The following SLC25A20 variants were observed in gnomAD, a reference collection of about 807,000 sequenced individuals.
The protein encoded by SLC25A20 is mitochondrial carnitine/acylcarnitine carrier protein.
SLC25A20 carries 29 observed loss-of-function variants against 39.7 expected under a neutral mutation model. That is an observed-to-expected ratio of 0.73 (90% confidence interval 0.54 to 1.00). The LOEUF is 1.00. SLC25A20 is among the 50% of genes least tolerant of loss of function. SLC25A20 has a pLI of 0.00. For synonymous variants in SLC25A20, 103 were observed against 142.2 expected (o/e 0.72, Z 1.96); for missense variants, 333 against 379.9 (o/e 0.88, Z 1.03).
At chr3:48,875,208 A>T (rs928502594) in intron 4 of SLC25A20, among the ~76,000 whole-genome samples, 2 of 151,534 alleles carry the variant, frequency 1.3e-5, no homozygotes, top group South Asian at 2.1e-4. Flanking sequence ...GGTTCAAGCA[A>T]TTCTCTGCCT....
chr3:48,860,476 A>G (rs2106637874), intron 5 of SLC25A20, among the ~76,000 whole-genome samples: 1 of 150,598 alleles, frequency 6.6e-6, no homozygotes, highest in South Asian at 2.1e-4. Context: ...ATGGTGGTGC[A>G]TGCCTGTAGT....
In SLC25A20 at chr3:48,884,052, A is replaced by G; in HGVS notation, c.271T>C (p.Phe91Leu). 1.9e-6 allele frequency: 3 copies of G among 1,614,042 alleles called. No individual in the cohort carries two copies. The highest frequency in any genetic ancestry group is 1.3e-5 in the African/African-American group (1 of 75,056). ...GVTPMFAVCF[F>L]GFGLGKKLQQ... ...AGTTTCTTCCCCAAACCAAACCCAAAGAAGCACACGGCAAACATGGGAGTG... is the reference window on the plus strand; with the variant it reads ...AGTTTCTTCCCCAAACCAAACCCAAGGAAGCACACGGCAAACATGGGAGTG... The change falls in exon 3 of 9, where the codon TTT becomes CTT. Residue 91 changes from phenylalanine (F) to leucine (L), a missense_variant. Phe to Leu is a conservative substitution (Grantham distance 22, BLOSUM62 0). Transcript: ENST00000319017.
intron 4 of SLC25A20, 49 bp from the exon 5 acceptor site, chr3:48,862,708 C>T (rs757621854): frequency 7.0e-6 from 9 of 1,280,946 alleles, no homozygotes; most frequent in Non-Finnish European, 9.1e-6. Context: ...GAGTCACAGA[C>T]CCAGCAGGTT....
chr3:48,874,701 T>C (rs2083741223), intron 4 of SLC25A20, among the ~76,000 whole-genome samples: 1 of 152,118 alleles, frequency 6.6e-6, no homozygotes, highest in Non-Finnish European at 1.5e-5. Context: ...TATTCAGCAA[T>C]AAAAATGAAT....
intron 3 of SLC25A20, among the ~76,000 whole-genome samples, chr3:48,882,568 G>A (rs907012827): frequency 2.6e-5 from 4 of 151,986 alleles, no homozygotes; most frequent in African/African-American, 7.2e-5. Context: ...AAAGAAATAC[G>A]AAAAACTGGT....
intron 4 of SLC25A20, among the ~76,000 whole-genome samples, chr3:48,875,781 C>G (rs1006195927): frequency 2.0e-5 from 3 of 152,102 alleles, no homozygotes; most frequent in Admixed American, 2.0e-4. Flanking sequence ...CGTTGGGAGG[C>G]CAAGGCAGAC....
At chr3:48,876,941 C>A (rs981245684) in intron 4 of SLC25A20, among the ~76,000 whole-genome samples, 2 of 151,068 alleles carry the variant, frequency 1.3e-5, no homozygotes, top group Admixed American at 1.3e-4. Flanking sequence ...ATTAAAAATA[C>A]AAAAATTAGC....
At chr3:48,868,076 A>G (rs1210706114) in intron 4 of SLC25A20, among the ~76,000 whole-genome samples, 2 of 151,330 alleles carry the variant, frequency 1.3e-5, no homozygotes, top group Non-Finnish European at 2.9e-5. Context: ...AAAAAAAGAA[A>G]AGAAAAGAAA....
chr3:48,869,078 C>A (rs993998295), intron 4 of SLC25A20, among the ~76,000 whole-genome samples: 1 of 152,110 alleles, frequency 6.6e-6, no homozygotes, highest in South Asian at 2.1e-4. Context: ...CAAATAGGAA[C>A]CTTGATTTCT....
At chr3:48,874,932 C>T (rs748384792) in intron 4 of SLC25A20, among the ~76,000 whole-genome samples, 1 of 150,736 alleles carries the variant, frequency 6.6e-6, no homozygotes, top group Non-Finnish European at 1.5e-5. Context: ...GCCAGGCTTG[C>T]GGGTGCATGC....
At chr3:48,897,367 A>ATATATT (rs1256371148) in intron 1 of SLC25A20, among the ~76,000 whole-genome samples, 3 of 83,730 alleles carry the variant, frequency 3.6e-5, no homozygotes, top group African/African-American at 8.8e-5. Context: ...ATATATATAT[A>ATATATT]TTTTTTTTTT....
chr3:48,862,246 C>T (rs2083633915), intron 5 of SLC25A20, among the ~76,000 whole-genome samples: 2 of 152,048 alleles, frequency 1.3e-5, no homozygotes, highest in South Asian at 2.1e-4. Context: ...ACCACTGTCC[C>T]CAAGTCACAC....
At chr3:48,888,038 C>A (rs2083843893) in intron 2 of SLC25A20, among the ~76,000 whole-genome samples, 1 of 150,694 alleles carries the variant, frequency 6.6e-6, no homozygotes, top group South Asian at 2.1e-4. Context: ...CAAAACCCAT[C>A]TGTACTAAAA....
intron 4 of SLC25A20, among the ~76,000 whole-genome samples, chr3:48,876,127 G>C (rs1182173816): frequency 4.6e-5 from 7 of 151,982 alleles, no homozygotes; most frequent in Admixed American, 4.6e-4. Context: ...TGGATCACCT[G>C]AGGTCAGGAG....
Position 48,857,496 on chromosome 3 carries a change from T to C in SLC25A20, c.*214A>G, listed in dbSNP as rs1176275813. On this transcript the variant is annotated 3_prime_UTR_variant, in exon 9 of 9. Transcript: ENST00000319017. ...CCAAATCCTTTTAAGATCCCTTAAA[T>C]TGATAAGAATGAATTCAAGTTTCAA... 3.4e-6 allele frequency: 2 copies of C among 583,046 alleles called. No homozygotes were observed. The highest frequency in any genetic ancestry group is 2.0e-5 in the South Asian group (1 of 50,270). 36.1% of individuals were successfully genotyped at this position (583,046 alleles called of 1,614,324 possible). A position where few individuals can be genotyped will look rare whatever the true frequency, so the allele number is the denominator to read the frequency against.
At chr3:48,857,836 C>A in intron 8 of SLC25A20, 64 bp from the exon 9 acceptor site, 1 of 1,491,508 alleles carries the variant, frequency 6.7e-7, no homozygotes, top group Non-Finnish European at 9.3e-7. Context: ...CTATTCAAAG[C>A]ACTATGCTTT....
intron 2 of SLC25A20, among the ~76,000 whole-genome samples, chr3:48,887,935 G>A (rs568681958): frequency 4.6e-5 from 7 of 151,938 alleles, no homozygotes; most frequent in Admixed American, 2.0e-4. Flanking sequence ...CAGGCCAGGC[G>A]TGGTGGCTCA....
At chr3:48,877,558 GTC>G (rs1016776802) in intron 4 of SLC25A20, among the ~76,000 whole-genome samples, 2 of 150,706 alleles carry the variant, frequency 1.3e-5, no homozygotes, top group African/African-American at 4.9e-5. Flanking sequence ...GTGAAACCCC[GTC>G]TCTACTAAAA....
At position 48,858,538 on chromosome 3, in the gene SLC25A20, G is replaced by A. The variant is rs1192851341; in HGVS notation, c.812C>T (p.Ala271Val). The A allele has an allele frequency of 1.1e-5, 17 of 1,614,096 alleles. No homozygotes were observed. The highest frequency in any genetic ancestry group is 4.0e-5 in the African/African-American group (3 of 74,950). The change falls in exon 8 of 9, where the codon GCA becomes GTA. Residue 271 changes from alanine (A) to valine (V), a missense_variant. By Grantham distance (64) the Ala-to-Val change is moderately conservative. Coordinates refer to ENST00000319017, the MANE Select transcript of SLC25A20 (RefSeq NM_000387.6). ...GGCTGGGAAGGCTCGGATCATCACT[G>A]CATTGAACCCTTTGTACAAGGATGT... ...GVTSLYKGFN[A>V]VMIRAFPANA...
Sources: gnomAD v4.1 joint callset for allele counts (sites outside exome capture counted in the v4.1 genomes callset) on GRCh38, gnomAD v4.1.1 for gene constraint, MANE v1.5 for transcripts, NCBI Gene and HGNC (gene_info 2026-07-23, HGNC 2026-07-21) for gene names.